Variants in YEATS2 observed in about 807,000 individuals in gnomAD.
YEATS2 encodes the protein YEATS domain containing 2, also known as YEATS domain-containing protein 2.
YEATS2 carries 77 observed loss-of-function variants against 163.2 expected under a neutral mutation model. The observed-to-expected ratio is 0.47, with a 90% CI of 0.39 to 0.57. The LOEUF (loss-of-function observed/expected upper bound fraction) is 0.57, where lower values mean the gene tolerates loss of function less well. Among genes scored for constraint, YEATS2 ranks in the 20% least tolerant of loss-of-function variants. YEATS2 has a pLI of 0.00. For missense variants in YEATS2, 1,549 were observed against 1,729.8 expected (o/e 0.90, Z 1.85); for synonymous variants, 631 against 645.1 (o/e 0.98, Z 0.33).
intron 1 of YEATS2, among the ~76,000 whole-genome samples, chr3:183,714,431 C>G (rs1276860795): frequency 6.6e-6 from 1 of 151,504 alleles, no homozygotes; most frequent in Admixed American, 6.6e-5. Context: ...CTCCTGACCT[C>G]GTGATCCGCC....
At chr3:183,772,047 C>T (rs981105292) in intron 15 of YEATS2, among the ~76,000 whole-genome samples, 2 of 152,040 alleles carry the variant, frequency 1.3e-5, no homozygotes, top group Non-Finnish European at 2.9e-5. Context: ...CTTTATACTT[C>T]TGAATTTCCC....
intron 6 of YEATS2, among the ~76,000 whole-genome samples, chr3:183,727,284 T>C (rs1372344932): frequency 6.6e-6 from 1 of 152,152 alleles, no homozygotes; most frequent in Non-Finnish European, 1.5e-5. Flanking sequence ...TAACTACAGA[T>C]GCTGTACTAT....
chr3:183,790,750 CT>C (rs1724544147), intron 20 of YEATS2, 46 bp from the exon 21 acceptor site: 1 of 1,589,656 alleles, frequency 6.3e-7, no homozygotes, highest in Admixed American at 1.7e-5. Context: ...AGTCATCACT[CT>C]GCTTTCTTCC....
intron 20 of YEATS2, among the ~76,000 whole-genome samples, chr3:183,787,264 T>A (rs937647860): frequency 6.6e-6 from 1 of 152,178 alleles, no homozygotes; most frequent in Non-Finnish European, 1.5e-5. Flanking sequence ...TGATAACTCC[T>A]TTTAACTTTG....
chr3:183,722,638 C>T (rs1238210947), intron 5 of YEATS2, among the ~76,000 whole-genome samples: 1 of 150,842 alleles, frequency 6.6e-6, no homozygotes, highest in African/African-American at 2.4e-5. Context: ...GTCAGAACTG[C>T]GAATTAAACC....
intron 11 of YEATS2, among the ~76,000 whole-genome samples, chr3:183,755,608 C>T (rs1342558222): frequency 6.6e-6 from 1 of 152,110 alleles, no homozygotes; most frequent in African/African-American, 2.4e-5. Context: ...ACGAATCTTT[C>T]TGGGTTACGG....
At chr3:183,742,917 A>G (rs1293034276) in intron 8 of YEATS2, among the ~76,000 whole-genome samples, 1 of 152,244 alleles carries the variant, frequency 6.6e-6, no homozygotes, top group Non-Finnish European at 1.5e-5. Context: ...TCCACCAACA[A>G]AGAGATTACA....
rs571518621 is a variant in YEATS2, at chr3:183,738,003, T to A, written c.924+1174T>A. 2.6e-5 allele frequency among the ~76,000 whole-genome samples: 4 copies of A among 152,312 alleles called. No homozygotes were observed. In the South Asian group the frequency reaches 8.3e-4, roughly 32 times the overall value. On this transcript the variant is annotated intron_variant, in intron 8 of 30. Coordinates refer to ENST00000305135, the MANE Select transcript of YEATS2 (RefSeq NM_018023.5). ...CTGAAATATTTCAAACTTTTTTTTT[T>A]ATTAAATCTGTTTTGATGATCCTGT...
At chr3:183,780,019 T>A (rs263011) in intron 19 of YEATS2, among the ~76,000 whole-genome samples, 59,304 of 147,644 alleles carry the variant, frequency 0.4, 12,444 homozygotes, top group Middle Eastern at 0.53. Flanking sequence ...TTTTTTTTTT[T>A]AATTTTTTAT....
chr3:183,790,676 A>T, intron 20 of YEATS2, 121 bp from the exon 21 acceptor site: 2 of 1,026,672 alleles, frequency 1.9e-6, no homozygotes, highest in Non-Finnish European at 2.8e-6. Context: ...GGCATTTACT[A>T]AGTAGTCATT....
intron 5 of YEATS2, among the ~76,000 whole-genome samples, chr3:183,723,918 T>C (rs1716797712): frequency 6.6e-6 from 1 of 151,904 alleles, no homozygotes; most frequent in African/African-American, 2.4e-5. Context: ...TCTCAAAAAA[T>C]AGAATTTAGG....
At chr3:183,713,696 T>C (rs1339619862) in intron 1 of YEATS2, among the ~76,000 whole-genome samples, 2 of 152,268 alleles carry the variant, frequency 1.3e-5, no homozygotes, top group Non-Finnish European at 2.9e-5. Context: ...TATGTATCAT[T>C]GCTTAATGAA....
chr3:183,766,556 A>G (rs1475807153), intron 15 of YEATS2, among the ~76,000 whole-genome samples: 20 of 152,240 alleles, frequency 1.3e-4, no homozygotes. Context: ...TAACAAATAC[A>G]AAACAATGGG....
intron 21 of YEATS2, chr3:183,793,052 A>G (rs908539938): frequency 2.9e-6 from 3 of 1,021,208 alleles, no homozygotes; most frequent in East Asian, 1.2e-4. Flanking sequence ...TGTAAAATAT[A>G]ATAAAAATGT....
At chr3:183,730,488 T>C (rs1024916189) in intron 7 of YEATS2, among the ~76,000 whole-genome samples, 1 of 152,188 alleles carries the variant, frequency 6.6e-6, no homozygotes, top group Non-Finnish European at 1.5e-5. Flanking sequence ...GGCTGCCTCC[T>C]GAGAACTCTG....
At chr3:183,771,200 C>CT (rs1057470372) in intron 15 of YEATS2, among the ~76,000 whole-genome samples, 4 of 152,136 alleles carry the variant, frequency 2.6e-5, no homozygotes, top group Admixed American at 2.6e-4. Flanking sequence ...GTTTTAAACT[C>CT]TTTTTCCCCC....
intron 21 of YEATS2, 33 bp downstream of exon 21, chr3:183,791,013 T>C: frequency 6.3e-7 from 1 of 1,599,086 alleles, no homozygotes; most frequent in Non-Finnish European, 8.6e-7. Flanking sequence ...TTCTCTCTCT[T>C]TTCTCTCATT....
chr3:183,722,991 G>A (rs1485862561), intron 5 of YEATS2, among the ~76,000 whole-genome samples: 1 of 152,212 alleles, frequency 6.6e-6, no homozygotes, highest in Non-Finnish European at 1.5e-5. Flanking sequence ...TGGAGATTCT[G>A]TGCACAGCAC....
chr3:183,763,275 C>G (rs1721564973), intron 15 of YEATS2, among the ~76,000 whole-genome samples: 2 of 152,096 alleles, frequency 1.3e-5, no homozygotes, highest in African/African-American at 2.4e-5. Flanking sequence ...GGCTGTAAAC[C>G]TGTTCCGCAT....
Sources: gnomAD v4.1 joint callset for allele counts (sites outside exome capture counted in the v4.1 genomes callset) on GRCh38, gnomAD v4.1.1 for gene constraint, MANE v1.5 for transcripts, NCBI Gene and HGNC (gene_info 2026-07-23, HGNC 2026-07-21) for gene names.